The following TENM3 variants were observed in gnomAD, a reference collection of about 807,000 sequenced individuals.
TENM3 encodes teneurin transmembrane protein 3.
A neutral mutation model predicts 255.1 loss-of-function variants in TENM3; 63 were observed. The ratio of observed to expected loss-of-function variants is 0.25; its 90% CI spans 0.20 to 0.30. The LOEUF is 0.30. Ranked by LOEUF, TENM3 falls within the 10% of genes least tolerant of loss-of-function variation. TENM3 has a pLI of 1.00. For missense variants in TENM3, 2,929 were observed against 3,461.1 expected, an observed-to-expected ratio of 0.85 and a Z score of 3.86; for synonymous variants, 1,306 against 1,322.3, an observed-to-expected ratio of 0.99 and a Z score of 0.27.
chr4:181,613,227 G>A, the TENM3 span, among the ~76,000 whole-genome samples: 1 of 152,162 alleles, frequency 6.6e-6, no homozygotes, highest in South Asian at 2.1e-4. Flanking sequence ...GTGAAGGGGA[G>A]ACATCTCCTT....
At chr4:181,467,880 G>T in the TENM3 span, among the ~76,000 whole-genome samples, 2 of 151,974 alleles carry the variant, frequency 1.3e-5, no homozygotes, top group African/African-American at 4.8e-5. Flanking sequence ...ACTTTCATCT[G>T]GATTGACCCT....
chr4:182,538,127 C>T (rs377630918), intron 3 of TENM3, among the ~76,000 whole-genome samples: 9 of 152,090 alleles, frequency 5.9e-5, no homozygotes, highest in African/African-American at 9.7e-5. Flanking sequence ...TTTATGTTCA[C>T]GTTTTGGGCA....
chr4:182,212,448 T>C (rs553676066), intron 1 of TENM3, among the ~76,000 whole-genome samples: 1 of 152,158 alleles, frequency 6.6e-6, no homozygotes, highest in East Asian at 1.9e-4. Context: ...TCTGCTGAAG[T>C]CTCTCTTGTA....
chr4:181,547,843 C>T, the TENM3 span, among the ~76,000 whole-genome samples: 187 of 151,582 alleles, frequency 1.2e-3, no homozygotes, highest in African/African-American at 3.8e-3. Flanking sequence ...TTTTAGGGTA[C>T]ATGTGCACAA....
chr4:181,560,823 C>G, the TENM3 span, among the ~76,000 whole-genome samples: 454 of 152,286 alleles, frequency 3.0e-3, 4 homozygotes, highest in South Asian at 0.017. Flanking sequence ...GACAGCAGCT[C>G]TTTCTCTGCT....
the TENM3 span, among the ~76,000 whole-genome samples, chr4:181,534,585 G>A: frequency 6.6e-5 from 10 of 152,194 alleles, no homozygotes; most frequent in South Asian, 1.9e-3. Flanking sequence ...ACTGGTCTGA[G>A]CCTAGGTGTT....
intron 3 of TENM3, among the ~76,000 whole-genome samples, chr4:182,543,268 C>T (rs1741080640): frequency 6.6e-6 from 1 of 151,946 alleles, no homozygotes; most frequent in Admixed American, 6.6e-5. Context: ...GGAAGTGTCT[C>T]AACATAGAGA....
the TENM3 span, among the ~76,000 whole-genome samples, chr4:181,625,991 G>A: frequency 1.4e-4 from 21 of 152,220 alleles, no homozygotes; most frequent in African/African-American, 4.3e-4. Context: ...CAATGGCAAT[G>A]TGAATAACCA....
At chr4:181,844,591 C>T in the TENM3 span, among the ~76,000 whole-genome samples, 2 of 151,822 alleles carry the variant, frequency 1.3e-5, no homozygotes, top group Non-Finnish European at 2.9e-5. Flanking sequence ...TGGCGTGAAC[C>T]CGGGAGGCGG....
At chr4:181,913,413 G>A in the TENM3 span, among the ~76,000 whole-genome samples, 9 of 152,170 alleles carry the variant, frequency 5.9e-5, no homozygotes, top group African/African-American at 9.7e-5. Flanking sequence ...TGCATCTTGC[G>A]GATGGAGCAA....
chr4:182,718,632 C>T (rs1473358427), intron 13 of TENM3, among the ~76,000 whole-genome samples: 1 of 152,198 alleles, frequency 6.6e-6, no homozygotes, highest in African/African-American at 2.4e-5. Flanking sequence ...TGGACTGTCA[C>T]TTTCAGAAGG....
chr4:182,575,773 G>C (rs1560947910), intron 3 of TENM3, among the ~76,000 whole-genome samples: 1 of 152,064 alleles, frequency 6.6e-6, no homozygotes, highest in Non-Finnish European at 1.5e-5. Flanking sequence ...TCTTAGAAAA[G>C]TAAGAAATTC....
In TENM3 at chr4:182,792,227, A is replaced by G; in HGVS notation, c.5602-47A>G. 1 of 1,548,852 alleles carries G rather than the reference A, an allele frequency of 6.5e-7. No individual in the cohort carries two copies. The highest frequency in any genetic ancestry group is 1.9e-5 in the Admixed American group (1 of 53,364). Reference sequence around the variant, plus strand: ...CTGTGGTCACTAAATCTGCTTTTGCATCTCCCGTTCACAAACACTGAGTAA... The same window carrying G: ...CTGTGGTCACTAAATCTGCTTTTGCGTCTCCCGTTCACAAACACTGAGTAA... On this transcript the variant is annotated intron_variant, in intron 25 of 27. Coordinates refer to ENST00000511685, the MANE Select transcript of TENM3 (RefSeq NM_001080477.4). This position sits in a 1 kb window ranked among gnomAD's most constrained non-coding sequence, Gnocchi z 6.3.
the TENM3 span, among the ~76,000 whole-genome samples, chr4:181,707,632 G>A: frequency 1.3e-5 from 2 of 152,136 alleles, no homozygotes; most frequent in Non-Finnish European, 2.9e-5. Context: ...TTCCTTAAAT[G>A]ACCAAAGGCA....
intron 1 of TENM3, among the ~76,000 whole-genome samples, chr4:182,286,348 T>A (rs1760727082): frequency 6.6e-6 from 1 of 152,210 alleles, no homozygotes; most frequent in South Asian, 2.1e-4. Context: ...ATCAGCAAAT[T>A]GGCAGGGGCC....
At chr4:182,294,394 G>GT (rs967658364) in intron 1 of TENM3, among the ~76,000 whole-genome samples, 1 of 151,726 alleles carries the variant, frequency 6.6e-6, no homozygotes, top group Admixed American at 6.6e-5. Flanking sequence ...GTTCACCCTG[G>GT]TTTTTTTTCA....
At chr4:182,381,836 C>T (rs1427801200) in intron 3 of TENM3, among the ~76,000 whole-genome samples, 2 of 152,240 alleles carry the variant, frequency 1.3e-5, no homozygotes, top group Non-Finnish European at 1.5e-5. Flanking sequence ...GCTGGGATTA[C>T]AGGCGTGAGC....
At chr4:182,092,700 T>C in the TENM3 span, among the ~76,000 whole-genome samples, 1 of 152,222 alleles carries the variant, frequency 6.6e-6, no homozygotes. Flanking sequence ...AGCTGGCATC[T>C]TCCATTAGAG....
rs182874173 is a variant in TENM3, at chr4:182,473,632, C to T, written c.511+126703C>T. 8.8e-3 allele frequency among the ~76,000 whole-genome samples: 1,335 copies of T among 152,048 alleles called. 16 individuals are homozygous for T. Among genetic ancestry groups the T allele is most frequent in the Non-Finnish European group, 0.012 (805 of 67,992 alleles). ...AGCTTGCAGTGAGCCGAGATCGCGC[C>T]GCTGCACTCCAGCCTGGGCGACAGA... is the stretch of plus-strand genomic sequence containing the variant. On this transcript the variant is annotated intron_variant, in intron 3 of 27. Transcript: ENST00000511685.
Sources: gnomAD v4.1 joint callset for allele counts (sites outside exome capture counted in the v4.1 genomes callset) on GRCh38, gnomAD v4.1.1 for gene constraint, Gnocchi (gnomAD v3.1) non-coding constraint, MANE v1.5 for transcripts, NCBI Gene and HGNC (gene_info 2026-07-23, HGNC 2026-07-21) for gene names.